The following STOX2 variants were observed in gnomAD, a reference collection of about 807,000 sequenced individuals.
STOX2 encodes the protein storkhead-box protein 2.
Under a neutral mutation model 60.9 loss-of-function variants are expected in STOX2, and 28 were observed. That is an observed-to-expected ratio of 0.46 (90% CI 0.34 to 0.63). The LOEUF is 0.63. Among genes scored for constraint, STOX2 ranks in the 30% least tolerant of loss-of-function variants. The pLI is 0.01. For missense variants in STOX2, 1,024 were observed against 1,187.7 expected, an observed-to-expected ratio of 0.86 and a Z score of 2.03; for synonymous variants, 472 against 463.9, an observed-to-expected ratio of 1.02 and a Z score of -0.22.
Position 184,017,352 on chromosome 4 carries a change from T to C in STOX2, c.*68T>C. The C allele has an allele frequency of 7.3e-7, 1 of 1,377,852 alleles. No individual in the cohort carries two copies. The highest frequency in any genetic ancestry group is 1.5e-5 in the South Asian group (1 of 66,854). The allele number at this position is 1,377,852 out of a possible 1,614,324, so 85.4% of individuals were successfully genotyped here. A position where few individuals can be genotyped will look rare whatever the true frequency, so the allele number is the denominator to read the frequency against. Reference sequence around the variant, plus strand: ...AAGTTTACGACACTGGGACTGATGTTTACATCTTTGGAAAGACAAGCATCT... The same window carrying C: ...AAGTTTACGACACTGGGACTGATGTCTACATCTTTGGAAAGACAAGCATCT... On this transcript the variant is annotated 3_prime_UTR_variant, in exon 4 of 4. Coordinates refer to ENST00000308497, the MANE Select transcript of STOX2 (RefSeq NM_020225.3).
chr4:183,951,704 C>T (rs370008428), intron 1 of STOX2, among the ~76,000 whole-genome samples: 1 of 152,162 alleles, frequency 6.6e-6, no homozygotes, highest in East Asian at 1.9e-4. Flanking sequence ...CTTTGGGAAG[C>T]CAAGGCAGGC....
At chr4:183,958,085 G>C (rs113862461) in intron 1 of STOX2, among the ~76,000 whole-genome samples, 1 of 150,632 alleles carries the variant, frequency 6.6e-6, no homozygotes, top group South Asian at 2.1e-4. Context: ...ACCCAAGATC[G>C]TGAATAAGGC....
intron 1 of STOX2, among the ~76,000 whole-genome samples, chr4:183,810,605 A>G (rs1739012880): frequency 6.6e-6 from 1 of 152,228 alleles, no homozygotes; most frequent in Non-Finnish European, 1.5e-5. Context: ...CAGCGTTGAC[A>G]GGTGGGAACT....
chr4:183,826,151 T>C (rs1429094779), intron 1 of STOX2, among the ~76,000 whole-genome samples: 1 of 152,108 alleles, frequency 6.6e-6, no homozygotes, highest in East Asian at 1.9e-4. Flanking sequence ...TTCATTTCGC[T>C]CCTCAGATGA....
intron 1 of STOX2, among the ~76,000 whole-genome samples, chr4:183,979,090 CT>C (rs1732551615): frequency 6.6e-6 from 1 of 152,146 alleles, no homozygotes; most frequent in Admixed American, 6.5e-5. Context: ...ATTTAATTGG[CT>C]TGTGACTCTG....
intron 3 of STOX2, among the ~76,000 whole-genome samples, chr4:184,013,872 G>T (rs1374115860): frequency 6.6e-6 from 1 of 152,038 alleles, no homozygotes; most frequent in East Asian, 1.9e-4. Context: ...CTGCCGCCTG[G>T]AACTCCTGGG....
chr4:183,886,395 A>T (rs1741085475), intron 1 of STOX2, among the ~76,000 whole-genome samples: 1 of 152,220 alleles, frequency 6.6e-6, no homozygotes, highest in Non-Finnish European at 1.5e-5. Context: ...CCTTGTACCT[A>T]AGAGATGATT....
intron 1 of STOX2, among the ~76,000 whole-genome samples, chr4:183,924,565 C>T (rs961725180): frequency 6.6e-6 from 1 of 152,152 alleles, no homozygotes; most frequent in Non-Finnish European, 1.5e-5. Context: ...CCTTATGTTT[C>T]GAGCTGAGGA....
At chr4:183,919,331 G>A (rs187282874) in intron 1 of STOX2, among the ~76,000 whole-genome samples, 2 of 152,328 alleles carry the variant, frequency 1.3e-5, no homozygotes, top group East Asian at 3.9e-4. Context: ...GTGCTTGCAA[G>A]GCTTCCTCTC....
intron 1 of STOX2, among the ~76,000 whole-genome samples, chr4:183,883,580 T>G (rs1278971680): frequency 6.6e-6 from 1 of 152,128 alleles, no homozygotes; most frequent in Non-Finnish European, 1.5e-5. Flanking sequence ...CCTCCCAAAG[T>G]GCTGGGATTA....
intron 1 of STOX2, among the ~76,000 whole-genome samples, chr4:183,858,641 C>A (rs1041564193): frequency 6.6e-6 from 1 of 152,122 alleles, no homozygotes; most frequent in African/African-American, 2.4e-5. Context: ...GACGGGAAAA[C>A]CACACATTTC....
intron 1 of STOX2, among the ~76,000 whole-genome samples, chr4:183,984,038 A>G (rs1732752496): frequency 6.6e-6 from 1 of 151,944 alleles, no homozygotes; most frequent in Admixed American, 6.6e-5. Context: ...CTGCCTTATG[A>G]TCCCCACCTC....
chr4:183,968,743 T>G (rs1579483623), intron 1 of STOX2, among the ~76,000 whole-genome samples: 2 of 26,748 alleles, frequency 7.5e-5, no homozygotes, highest in African/African-American at 1.6e-4. Flanking sequence ...GAGAGTAGGT[T>G]GGGTTGCGGC....
intron 1 of STOX2, among the ~76,000 whole-genome samples, chr4:183,939,789 A>T (rs1742700122): frequency 6.6e-6 from 1 of 152,156 alleles, no homozygotes. Flanking sequence ...TCCGCGTCCC[A>T]GTTTCCTCAT....
chr4:184,019,080 C>T lies in STOX2; in HGVS notation c.*1796C>T, dbSNP rs1284035793. On this transcript the variant is annotated 3_prime_UTR_variant, in exon 4 of 4. Transcript: ENST00000308497. ...ACACAGTTGGACTCATTCTTGAAAC[C>T]TTTAAATGCTCCCTCATAGTTTTTC... 6.6e-6 allele frequency: 1 copy of T among 152,188 alleles called. No individual in the cohort carries two copies. Among genetic ancestry groups the T allele is most frequent in the African/African-American group, 2.4e-5 (1 of 41,442 alleles). The allele number at this position is 152,188 out of a possible 1,614,324, so 9.4% of individuals were successfully genotyped here.
intron 1 of STOX2, among the ~76,000 whole-genome samples, chr4:183,812,988 A>G (rs2111102571): frequency 6.6e-6 from 1 of 152,372 alleles, no homozygotes; most frequent in Non-Finnish European, 1.5e-5. Flanking sequence ...AATTATTTAA[A>G]AAAATAATTT....
chr4:183,861,310 G>GT (rs1202044060), intron 1 of STOX2, among the ~76,000 whole-genome samples: 1 of 79,894 alleles, frequency 1.3e-5, no homozygotes, highest in Non-Finnish European at 3.5e-5. Flanking sequence ...CGTTACCTTG[G>GT]GGGGGTCCTC....
chr4:183,890,680 G>T (rs138545122), intron 1 of STOX2, among the ~76,000 whole-genome samples: 105 of 152,242 alleles, frequency 6.9e-4, no homozygotes, highest in African/African-American at 2.3e-3. Flanking sequence ...TCAGTCTAAG[G>T]TCTTTGTATT....
chr4:183,809,721 T>C (rs1229974531), intron 1 of STOX2, among the ~76,000 whole-genome samples: 1 of 152,238 alleles, frequency 6.6e-6, no homozygotes, highest in Non-Finnish European at 1.5e-5. Context: ...TTAAGTCAAC[T>C]CTCCACTTTT....
Sources: allele counts gnomAD v4.1 joint callset (sites outside exome capture counted in the v4.1 genomes callset), GRCh38; gene constraint gnomAD v4.1.1; transcripts MANE v1.5; gene names NCBI Gene and HGNC (gene_info 2026-07-23, HGNC 2026-07-21).